The following MAST4 variants were observed in gnomAD, a reference collection of about 807,000 sequenced individuals.
MAST4 encodes microtubule associated serine/threonine kinase family member 4, also known as microtubule-associated serine/threonine-protein kinase 4.
MAST4 carries 89 observed loss-of-function variants against 162.7 expected under a neutral mutation model. The observed-to-expected ratio is 0.55, with a 90% CI of 0.46 to 0.65. MAST4 has a LOEUF of 0.65. MAST4 is among the 30% of genes least tolerant of loss of function. The pLI is 0.00. For missense variants in MAST4, 3,153 were observed against 3,374.0 expected, an observed-to-expected ratio of 0.93 and a Z score of 1.62; for synonymous variants, 1,479 against 1,361.1, an observed-to-expected ratio of 1.09 and a Z score of -1.91.
rs76841860 is a variant in MAST4, at chr5:66,775,504, C to T, written c.518-13166C>T. Among the ~76,000 whole-genome samples the T allele has an allele frequency of 6.0e-4, 92 of 152,304 alleles. 2 individuals carry two copies. The East Asian group carries it at 0.013, about 22-fold the overall frequency. On this transcript the variant is annotated intron_variant, in intron 2 of 28. Coordinates refer to ENST00000403625, the MANE Select transcript of MAST4 (RefSeq NM_001164664.2). ...AGGATGAATTCCAGCCCTACACCTACCATTAATTTTCAAGCATTGCTGAGG... is the reference window on the plus strand; with the variant it reads ...AGGATGAATTCCAGCCCTACACCTATCATTAATTTTCAAGCATTGCTGAGG...
At chr5:66,976,323 A>G (rs540536875) in intron 4 of MAST4, among the ~76,000 whole-genome samples, 1 of 152,334 alleles carries the variant, frequency 6.6e-6, no homozygotes, top group South Asian at 2.1e-4. Flanking sequence ...CCCTGCTGTG[A>G]ACTGCTCCAG....
intron 1 of MAST4, among the ~76,000 whole-genome samples, chr5:66,748,739 C>T (rs1196407717): frequency 1.1e-4 from 17 of 151,908 alleles, no homozygotes; most frequent in Admixed American, 3.9e-4. Flanking sequence ...CCACCTGCCT[C>T]GGCCTCCCAA....
intron 4 of MAST4, among the ~76,000 whole-genome samples, chr5:67,014,002 A>G (rs1035279609): frequency 2.0e-5 from 3 of 152,204 alleles, no homozygotes; most frequent in African/African-American, 7.2e-5. Flanking sequence ...TCACTTGGCT[A>G]ATCTCAAGAC....
chr5:66,803,863 G>A (rs1165910414), intron 3 of MAST4, among the ~76,000 whole-genome samples: 1 of 151,346 alleles, frequency 6.6e-6, no homozygotes, highest in Non-Finnish European at 1.5e-5. Context: ...TAGACGTGGT[G>A]ATACTACACA....
At chr5:67,039,554 T>C (rs1198463199) in intron 4 of MAST4, among the ~76,000 whole-genome samples, 1 of 152,172 alleles carries the variant, frequency 6.6e-6, no homozygotes, top group Non-Finnish European at 1.5e-5. Flanking sequence ...GGACCAAATC[T>C]CAGGCTAGGG....
intron 3 of MAST4, among the ~76,000 whole-genome samples, chr5:66,875,121 C>T (rs997473273): frequency 6.6e-6 from 1 of 152,138 alleles, no homozygotes; most frequent in South Asian, 2.1e-4. Flanking sequence ...GTAATTAACA[C>T]CTTCCTAGTC....
At chr5:67,026,313 C>T (rs749789252) in intron 4 of MAST4, among the ~76,000 whole-genome samples, 7 of 152,288 alleles carry the variant, frequency 4.6e-5, no homozygotes, top group East Asian at 1.9e-4. Context: ...TTTTACATGC[C>T]GTGCCACTTG....
At chr5:66,811,714 C>T (rs1184958000) in intron 3 of MAST4, among the ~76,000 whole-genome samples, 1 of 152,122 alleles carries the variant, frequency 6.6e-6, no homozygotes, top group Non-Finnish European at 1.5e-5. Flanking sequence ...CTAGTGCACT[C>T]ACATGTAAAG....
intron 3 of MAST4, among the ~76,000 whole-genome samples, chr5:66,874,095 G>C (rs1250722023): frequency 5.9e-5 from 9 of 152,040 alleles, no homozygotes; most frequent in African/African-American, 2.2e-4. Context: ...AGGGTTAGGG[G>C]GAAAACAAAG....
chr5:66,933,488 A>G (rs1323042830), intron 4 of MAST4, among the ~76,000 whole-genome samples: 1 of 152,114 alleles, frequency 6.6e-6, no homozygotes, highest in Non-Finnish European at 1.5e-5. Context: ...AACTATTCTT[A>G]TTCTCTCTTG....
chr5:66,858,036 A>C (rs181663960), intron 3 of MAST4, among the ~76,000 whole-genome samples: 1 of 152,140 alleles, frequency 6.6e-6, no homozygotes, highest in Admixed American at 6.5e-5. Context: ...AGCTCACTGC[A>C]ACCTCCTCCT....
At chr5:66,645,678 A>T (rs1745784976) in intron 1 of MAST4, among the ~76,000 whole-genome samples, 1 of 152,228 alleles carries the variant, frequency 6.6e-6, no homozygotes, top group South Asian at 2.1e-4. Flanking sequence ...AAATATCTTG[A>T]AATCACACAT....
intron 4 of MAST4, among the ~76,000 whole-genome samples, chr5:67,033,911 T>C (rs767973472): frequency 2.6e-5 from 4 of 152,182 alleles, no homozygotes; most frequent in Non-Finnish European, 5.9e-5. Context: ...AGTATGAGAA[T>C]AGATTTTTTA....
chr5:66,845,092 TATATATATA>T (rs1758728120), intron 3 of MAST4, among the ~76,000 whole-genome samples: 1 of 66,130 alleles, frequency 1.5e-5, no homozygotes, highest in South Asian at 7.1e-4. Context: ...TCTTTATATA[TATATATATA>T]TATATATATA....
intron 1 of MAST4, among the ~76,000 whole-genome samples, chr5:66,733,630 T>C (rs971997446): frequency 2.0e-5 from 3 of 152,102 alleles, no homozygotes; most frequent in Non-Finnish European, 4.4e-5. Context: ...GATAAGTTTT[T>C]GTATTTTTAG....
In MAST4 at chr5:67,084,762, G is replaced by A. The variant is rs368937312; in HGVS notation, c.764-5400G>A. Among the ~76,000 whole-genome samples the A allele has an allele frequency of 9.9e-5, 15 of 152,198 alleles. 1 individual carries two copies. Among genetic ancestry groups the A allele is most frequent in the African/African-American group, 3.4e-4 (14 of 41,544 alleles). ...ATCATTATCCAAACTTTAATATCTAGCCTGTAGAATTTTCCTTCTCTACAA... is the reference window on the plus strand; with the variant it reads ...ATCATTATCCAAACTTTAATATCTAACCTGTAGAATTTTCCTTCTCTACAA... On this transcript the variant is annotated intron_variant, in intron 5 of 28. Coordinates refer to ENST00000403625, the MANE Select transcript of MAST4 (RefSeq NM_001164664.2).
In MAST4 at chr5:66,818,547, C is replaced by A. The variant is rs569712897; in HGVS notation, c.642+29753C>A. On this transcript the variant is annotated intron_variant, in intron 3 of 28. Coordinates refer to ENST00000403625, the MANE Select transcript of MAST4 (RefSeq NM_001164664.2). ...ACAAATACTGTGTCCTCAGGTGATA[C>A]TTAATGTGACTTCTTCCTATGTATA... Among the ~76,000 whole-genome samples, 5 of 152,240 alleles carry A rather than the reference C, an allele frequency of 3.3e-5. No individual in the cohort carries two copies. The East Asian group carries it at 9.6e-4, about 29-fold the overall frequency.
chr5:66,919,923 TC>T (rs1764394246), intron 4 of MAST4, among the ~76,000 whole-genome samples: 3 of 41,736 alleles, frequency 7.2e-5, no homozygotes, highest in Non-Finnish European at 1.5e-4. Context: ...CTTCCTTCCT[TC>T]CTTCCTTCCT....
chr5:67,143,412 T>TA (rs1011762922), intron 21 of MAST4, among the ~76,000 whole-genome samples: 30 of 151,820 alleles, frequency 2.0e-4, no homozygotes, highest in African/African-American at 6.1e-4. Flanking sequence ...CAGTAAAAGT[T>TA]AAAAAAAACA....
Sources: allele counts gnomAD v4.1 joint callset (sites outside exome capture counted in the v4.1 genomes callset), GRCh38; gene constraint gnomAD v4.1.1; transcripts MANE v1.5; gene names NCBI Gene and HGNC (gene_info 2026-07-23, HGNC 2026-07-21).